The following ABCA9 variants were observed in gnomAD, a reference collection of about 807,000 sequenced individuals.
The protein encoded by ABCA9 is ATP binding cassette subfamily A member 9, also known as ATP-binding cassette sub-family A member 9.
Under a neutral mutation model 205.3 loss-of-function variants are expected in ABCA9, and 183 were observed. The observed-to-expected ratio is 0.89, with a 90% CI of 0.79 to 1.01. ABCA9 has a LOEUF of 1.01. Among genes scored for constraint, ABCA9 ranks in the 50% least tolerant of loss-of-function variants. The pLI is 0.00. For missense variants in ABCA9, 1,805 were observed against 1,912.4 expected (o/e 0.94, Z 1.05); for synonymous variants, 651 against 683.3 (o/e 0.95, Z 0.74).
intron 37 of ABCA9, among the ~76,000 whole-genome samples, chr17:68,980,873 C>T (rs574599675): frequency 1.2e-3 from 176 of 151,320 alleles, no homozygotes; most frequent in African/African-American, 4.1e-3. Context: ...ATGTAACTAA[C>T]CTGCACGTTG....
intron 1 of ABCA9, among the ~76,000 whole-genome samples, chr17:69,059,821 T>G (rs750394994): frequency 6.6e-6 from 1 of 152,176 alleles, no homozygotes; most frequent in Non-Finnish European, 1.5e-5. Flanking sequence ...AAGAAGGGCA[T>G]GGACTTATGT....
chr17:68,989,256 TCACACACACACACA>T (rs71293542), intron 30 of ABCA9, 138 bp from the exon 31 acceptor site: 16 of 243,098 alleles, frequency 6.6e-5, no homozygotes, highest in Admixed American at 2.0e-4. Context: ...TCTCTCTCTC[TCACACACACACACA>T]CACACACACA....
rs561966929 is a variant in ABCA9, at chr17:69,002,972, A to T, written c.3435+4787T>A. Reference sequence around the variant, plus strand: ...TTTTTTTGTTTTCCATTTGCTTGGTAGATCTTCCTCCATCCTTTTATTTTG... The same window carrying T: ...TTTTTTTGTTTTCCATTTGCTTGGTTGATCTTCCTCCATCCTTTTATTTTG... On this transcript the variant is annotated intron_variant, in intron 25 of 38. Transcript: ENST00000340001. 6.4e-3 allele frequency among the ~76,000 whole-genome samples: 927 copies of T among 145,292 alleles called. 7 individuals are homozygous for T. The highest frequency in any genetic ancestry group is 9.3e-3 in the Non-Finnish European group (623 of 66,804).
intron 23 of ABCA9, among the ~76,000 whole-genome samples, chr17:69,009,071 C>A (rs1177340516): frequency 2.6e-5 from 4 of 152,146 alleles, no homozygotes; most frequent in African/African-American, 9.7e-5. Flanking sequence ...TATTCATCAA[C>A]TTATTTAATA....
intron 35 of ABCA9, 39 bp from the exon 36 acceptor site, chr17:68,983,888 G>A (rs1394918193): frequency 6.2e-7 from 1 of 1,613,280 alleles, no homozygotes; most frequent in Non-Finnish European, 8.5e-7. Flanking sequence ...CAAGAAAAGA[G>A]AAAAATGTAT....
chr17:68,990,922 G>C lies in ABCA9; in HGVS notation c.3752C>G (p.Pro1251Arg). The change falls in exon 29 of 39, where the codon CCA (proline) becomes CGA (arginine). Residue 1251 changes from proline to arginine, a missense_variant. Transcript: ENST00000340001. ...SPRSNAIFPN[P>R]EEPEGEEEDI... ...TTCCTCCTCTCCTTCAGGCTCTTCT[G>C]GGTTTGGAAAAATAGCGTTGCTTCT... The C allele has an allele frequency of 6.2e-7, 1 of 1,613,286 alleles. No individual in the cohort carries two copies. The highest frequency in any genetic ancestry group is 8.5e-7 in the Non-Finnish European group (1 of 1,179,738).
rs868166445 is a variant in ABCA9 at position 69,027,379 on chromosome 17, C to A, written c.1862G>T (p.Gly621Val). ...CCCAAAAGTTAGTTTCCTATTTTGT[C>A]CACCACTTAAGTTTTGAGCAAGGAT... ...QDILAQNLSG[G>V]QNRKLTFGIA... is the part of the protein sequence containing the mutation. The change falls in exon 14 of 39, where the codon GGA becomes GTA. Residue 621 changes from glycine (G) to valine (V), a missense_variant. Physicochemically the swap from Gly to Val is moderately radical, Grantham distance 109 (BLOSUM62 -3). Coordinates refer to ENST00000340001, the MANE Select transcript of ABCA9 (RefSeq NM_080283.4). 1.2e-6 allele frequency: 2 copies of A among 1,613,244 alleles called. No homozygotes were observed. The highest frequency in any genetic ancestry group is 3.3e-4 in the Middle Eastern group (2 of 6,054).
At chr17:69,019,741 G>A (rs2070752043) in intron 19 of ABCA9, 1 of 152,188 alleles carries the variant, frequency 6.6e-6, no homozygotes, top group African/African-American at 2.4e-5. Context: ...TGAAGCTCTG[G>A]GGGTACATGT....
chr17:69,017,642 G>C lies in ABCA9; in HGVS notation c.2901+14C>G. On this transcript the variant is annotated intron_variant, in intron 21 of 38. Coordinates refer to ENST00000340001, the MANE Select transcript of ABCA9 (RefSeq NM_080283.4). ...CCACCTTTGGTGAAATGCAGCAACT[G>C]GAGTCCAGCATACCTTTTCATCACC... The C allele has an allele frequency of 1.2e-6, 2 of 1,611,910 alleles. No homozygotes were observed. The highest frequency in any genetic ancestry group is 1.7e-6 in the Non-Finnish European group (2 of 1,178,714).
chr17:69,050,626 C>A (rs1159733267), intron 2 of ABCA9, among the ~76,000 whole-genome samples: 1 of 152,100 alleles, frequency 6.6e-6, no homozygotes, highest in African/African-American at 2.4e-5. Context: ...AGAAGTGCTA[C>A]AATTTGCCTT....
intron 31 of ABCA9, among the ~76,000 whole-genome samples, chr17:68,987,648 A>C (rs1247598109): frequency 1.3e-5 from 2 of 152,228 alleles, no homozygotes; most frequent in African/African-American, 4.8e-5. Context: ...AGACCACATC[A>C]TGCTGGGCTG....
intron 25 of ABCA9, among the ~76,000 whole-genome samples, chr17:68,998,604 A>C (rs1178184704): frequency 6.6e-6 from 1 of 152,098 alleles, no homozygotes; most frequent in African/African-American, 2.4e-5. Flanking sequence ...TTATTTTAAA[A>C]GAATTATACA....
intron 8 of ABCA9, chr17:69,034,770 T>C (rs1474722417): frequency 6.6e-6 from 1 of 152,230 alleles, no homozygotes; most frequent in Non-Finnish European, 1.5e-5. Flanking sequence ...AATAATGTCT[T>C]AACTGGACTG....
intron 23 of ABCA9, among the ~76,000 whole-genome samples, chr17:69,010,836 C>G (rs1402916138): frequency 2.0e-5 from 3 of 152,088 alleles, no homozygotes; most frequent in African/African-American, 2.4e-5. Flanking sequence ...AAATTTTATG[C>G]TAGAGCAACT....
chr17:68,991,780 A>G (rs907527931), intron 28 of ABCA9, among the ~76,000 whole-genome samples: 1 of 152,084 alleles, frequency 6.6e-6, no homozygotes, highest in South Asian at 2.1e-4. Flanking sequence ...TCATCCCCCA[A>G]CATAAGCCTA....
At chr17:69,021,627 G>T in intron 18 of ABCA9, 115 bp downstream of exon 18, 2 of 651,182 alleles carry the variant, frequency 3.1e-6, no homozygotes, top group Non-Finnish European at 5.0e-6. Context: ...CTCATCATTT[G>T]GGCATATTTT....
intron 25 of ABCA9, among the ~76,000 whole-genome samples, chr17:69,000,805 GT>G (rs1415330353): frequency 0.065 from 9,724 of 149,892 alleles, 1,009 homozygotes; most frequent in African/African-American, 0.23. Flanking sequence ...TCCTTGAGCA[GT>G]GGTTTGTAGT....
chr17:69,032,366 C>T, intron 9 of ABCA9, 90 bp from the exon 10 acceptor site: 1 of 1,209,214 alleles, frequency 8.3e-7, no homozygotes, highest in Non-Finnish European at 1.2e-6. Context: ...GACATTAAAC[C>T]TGAACCCACA....
intron 3 of ABCA9, among the ~76,000 whole-genome samples, chr17:69,047,090 T>G (rs190660497): frequency 1.3e-5 from 2 of 151,394 alleles, no homozygotes; most frequent in Admixed American, 1.3e-4. Context: ...GACTCCCAAG[T>G]AGCTGAGATT....
Sources: gnomAD v4.1 joint callset for allele counts (sites outside exome capture counted in the v4.1 genomes callset) on GRCh38, gnomAD v4.1.1 for gene constraint, MANE v1.5 for transcripts, NCBI Gene and HGNC (gene_info 2026-07-23, HGNC 2026-07-21) for gene names.